The following RBFOX1 variants were observed in gnomAD, a reference collection of about 807,000 sequenced individuals.
The protein encoded by RBFOX1 is RNA binding protein fox-1 homolog 1.
In RBFOX1, 8 loss-of-function variants were observed where a neutral mutation model predicts 57.7. The ratio of observed to expected loss-of-function variants is 0.14; its 90% CI spans 0.08 to 0.25. RBFOX1 has a LOEUF of 0.25. Among genes scored for constraint, RBFOX1 ranks in the 10% least tolerant of loss-of-function variants. The probability of loss-of-function intolerance (pLI) is 1.00; values close to 1 mark genes in which losing one functional copy is unlikely to be tolerated. For synonymous variants in RBFOX1, 326 were observed against 222.4 expected (o/e 1.47, Z -4.15); for missense variants, 611 against 548.5 (o/e 1.11, Z -1.14).
intron 2 of RBFOX1, among the ~76,000 whole-genome samples, chr16:6,542,746 C>T (rs372583897): frequency 6.6e-6 from 1 of 151,952 alleles, no homozygotes; most frequent in South Asian, 2.1e-4. Context: ...CCTGCCTCGG[C>T]CCCCAGAAGT....
At chr16:7,293,303 A>G (rs2095830225) in intron 4 of RBFOX1, among the ~76,000 whole-genome samples, 1 of 152,208 alleles carries the variant, frequency 6.6e-6, no homozygotes, top group African/African-American at 2.4e-5. Context: ...TTTAAAGTAT[A>G]CAGGAGGATA....
intron 3 of RBFOX1, among the ~76,000 whole-genome samples, chr16:6,988,029 T>A (rs917599514): frequency 6.6e-6 from 1 of 151,918 alleles, no homozygotes; most frequent in African/African-American, 2.4e-5. Flanking sequence ...GAAAAAAAAA[T>A]TAGATATGGA....
At chr16:5,487,419 A>C (rs1014745342) in intron 2 of RBFOX1, among the ~76,000 whole-genome samples, 4 of 152,220 alleles carry the variant, frequency 2.6e-5, no homozygotes, top group Admixed American at 2.6e-4. Flanking sequence ...CAGATCTTGC[A>C]GAAGCTGACA....
At chr16:6,946,490 T>G (rs917233214) in intron 3 of RBFOX1, among the ~76,000 whole-genome samples, 2 of 152,180 alleles carry the variant, frequency 1.3e-5, no homozygotes, top group African/African-American at 4.8e-5. Context: ...CATAGCCTGT[T>G]TTCTCCTCCT....
chr16:5,685,216 G>A (rs2050468848), intron 3 of RBFOX1, among the ~76,000 whole-genome samples: 2 of 152,190 alleles, frequency 1.3e-5, no homozygotes, highest in South Asian at 4.1e-4. Flanking sequence ...ACCTATTAAG[G>A]ATATTATTGG....
intron 11 of RBFOX1, among the ~76,000 whole-genome samples, chr16:7,633,243 G>A (rs1222252955): frequency 6.6e-6 from 1 of 152,064 alleles, no homozygotes; most frequent in Non-Finnish European, 1.5e-5. Context: ...TTAAAGGGTC[G>A]ATTTTAGTAT....
At chr16:6,612,037 G>T (rs1344613519) in intron 2 of RBFOX1, among the ~76,000 whole-genome samples, 3 of 152,180 alleles carry the variant, frequency 2.0e-5, no homozygotes, top group African/African-American at 7.2e-5. Context: ...AAAAGTCCCG[G>T]AATAGTTCCT....
At chr16:7,411,582 A>G (rs1002944407) in intron 4 of RBFOX1, among the ~76,000 whole-genome samples, 1 of 152,182 alleles carries the variant, frequency 6.6e-6, no homozygotes, top group Non-Finnish European at 1.5e-5. Context: ...CATCGTGCAA[A>G]ATATCTGACT....
intron 5 of RBFOX1, among the ~76,000 whole-genome samples, chr16:7,542,064 G>T (rs745631558): frequency 6.6e-6 from 1 of 152,098 alleles, no homozygotes; most frequent in Non-Finnish European, 1.5e-5. Context: ...GCTTTCGTGG[G>T]GGTACCTCTA....
chr16:5,455,997 T>G (rs2068619335), intron 1 of RBFOX1, among the ~76,000 whole-genome samples: 3 of 152,044 alleles, frequency 2.0e-5, no homozygotes, highest in Admixed American at 2.0e-4. Context: ...AGTTTCATAA[T>G]GTTAAGAATA....
At chr16:6,826,508 C>T (rs1041495023) in intron 3 of RBFOX1, among the ~76,000 whole-genome samples, 1 of 152,142 alleles carries the variant, frequency 6.6e-6, no homozygotes, top group Non-Finnish European at 1.5e-5. Context: ...ATACAATAAG[C>T]GTTCCATAAG....
intron 4 of RBFOX1, among the ~76,000 whole-genome samples, chr16:7,514,220 G>A (rs957199770): frequency 6.6e-6 from 1 of 152,132 alleles, no homozygotes; most frequent in African/African-American, 2.4e-5. Context: ...GTAAACAAAT[G>A]AGCATGGGTG....
intron 3 of RBFOX1, among the ~76,000 whole-genome samples, chr16:6,697,139 G>C (rs551231498): frequency 6.6e-6 from 1 of 152,150 alleles, no homozygotes; most frequent in African/African-American, 2.4e-5. Flanking sequence ...GATATTCAGG[G>C]ATTGACTAGA....
intron 10 of RBFOX1, among the ~76,000 whole-genome samples, chr16:7,611,059 A>C (rs957690226): frequency 6.6e-6 from 1 of 152,180 alleles, no homozygotes; most frequent in African/African-American, 2.4e-5. Flanking sequence ...TCATTTCTCT[A>C]TATAAGGTTG....
chr16:5,975,809 A>G (rs1028757641), intron 4 of RBFOX1, among the ~76,000 whole-genome samples: 4 of 152,194 alleles, frequency 2.6e-5, no homozygotes, highest in African/African-American at 9.7e-5. Context: ...TTGAATGGCT[A>G]GCGCTCGACA....
intron 4 of RBFOX1, among the ~76,000 whole-genome samples, chr16:7,170,765 G>A (rs1230173555): frequency 6.6e-6 from 1 of 152,134 alleles, no homozygotes; most frequent in Non-Finnish European, 1.5e-5. Flanking sequence ...TTCATGAGCA[G>A]CTACAGTCTT....
chr16:6,883,467 C>G lies in RBFOX1; in HGVS notation c.-15-168590C>G, dbSNP rs1312644890. Among the ~76,000 whole-genome samples, 3 of 152,308 alleles carry G rather than the reference C, an allele frequency of 2.0e-5. No individual in the cohort carries two copies. The East Asian group carries it at 5.8e-4, about 29-fold the overall frequency. On this transcript the variant is annotated intron_variant, in intron 3 of 15. Transcript: ENST00000550418. ...ACAAGATTTTATTTGATTGCACTAGCCGCTTTCTCTTAGACACCCATCTGC... is the reference window on the plus strand; with the variant it reads ...ACAAGATTTTATTTGATTGCACTAGGCGCTTTCTCTTAGACACCCATCTGC...
chr16:7,422,671 G>T (rs1312888228), intron 4 of RBFOX1: 1 of 152,190 alleles, frequency 6.6e-6, no homozygotes, highest in East Asian at 1.9e-4. Context: ...CTTAAGGCAT[G>T]GGGAGGATTG....
intron 2 of RBFOX1, among the ~76,000 whole-genome samples, chr16:6,607,580 T>TCTCTCCCTCCTCTCTCTCC (rs2097957131): frequency 2.0e-5 from 3 of 150,106 alleles, no homozygotes; most frequent in South Asian, 2.1e-4. Context: ...CTCTCCGTCC[T>TCTCTCCCTCCTCTCTCTCC]GTCTCCCTCC....
Sources: gnomAD v4.1 joint callset for allele counts (sites outside exome capture counted in the v4.1 genomes callset) on GRCh38, gnomAD v4.1.1 for gene constraint, MANE v1.5 for transcripts, NCBI Gene and HGNC (gene_info 2026-07-23, HGNC 2026-07-21) for gene names.